Variants in SLC30A3 observed in about 807,000 individuals in gnomAD.
The protein encoded by SLC30A3 is probable proton-coupled zinc antiporter SLC30A3.
A neutral mutation model predicts 35.6 loss-of-function variants in SLC30A3; 20 were observed. The ratio of observed to expected loss-of-function variants is 0.56; its 90% confidence interval spans 0.39 to 0.82. SLC30A3 has a LOEUF of 0.82. Among genes scored for constraint, SLC30A3 ranks in the 40% least tolerant of loss-of-function variants. SLC30A3 has a pLI of 0.00. For missense variants in SLC30A3, 401 were observed against 530.6 expected (o/e 0.76, Z 2.40); for synonymous variants, 217 against 224.7 (o/e 0.97, Z 0.31).
chr2:27,257,754 G>T lies in SLC30A3; in HGVS notation c.578+151C>A. 1 of 788,970 alleles carries T rather than the reference G, an allele frequency of 1.3e-6. No individual in the cohort carries two copies. Among genetic ancestry groups the T allele is most frequent in the Non-Finnish European group, 2.0e-6 (1 of 495,906 alleles). The allele number at this position is 788,970 out of a possible 1,614,324, so 48.9% of individuals were successfully genotyped here. A position where few individuals can be genotyped will look rare whatever the true frequency, so the allele number is the denominator to read the frequency against. ...GACTGAATTTTAGGTCTCTATCCCA[G>T]ACCCTTCTCAGGCACACGCAGGGCA... On this transcript the variant is annotated intron_variant, in intron 4 of 7. Coordinates refer to ENST00000233535, the MANE Select transcript of SLC30A3 (RefSeq NM_003459.5). The surrounding 1 kb of genome is among the most constrained non-coding windows in gnomAD (Gnocchi z 4.7).
chr2:27,261,977 G>A (rs574755158), intron 1 of SLC30A3: 1 of 152,640 alleles, frequency 6.6e-6, no homozygotes, highest in South Asian at 2.1e-4. Flanking sequence ...GGTGGGGGAA[G>A]AGAAAAAGCC....
chr2:27,275,663 C>T (rs962665562), upstream of SLC30A3: 18 of 187,416 alleles, frequency 9.6e-5, no homozygotes, highest in East Asian at 5.7e-4. Flanking sequence ...GGGCCGCAGG[C>T]GTCTACCCTG....
At chr2:27,263,964 T>C, upstream of SLC30A3, 1 of 1,071,730 alleles carries the variant, frequency 9.3e-7, no homozygotes, top group African/African-American at 1.6e-5. Context: ...TACCGCATTC[T>C]GCCTCATTTG....
Position 27,257,105 on chromosome 2 carries a change from G to A in SLC30A3, c.777+49C>T, listed in dbSNP as rs747980856. ...TTGGGACCTGGGAAGGAGTGGGCTG[G>A]GATGTGGTTGTGGGGAGGAAGGCTG... On this transcript the variant is annotated intron_variant, in intron 5 of 7. Coordinates refer to ENST00000233535, the MANE Select transcript of SLC30A3 (RefSeq NM_003459.5). The surrounding 1 kb of genome is among the most constrained non-coding windows in gnomAD (Gnocchi z 4.7). The A allele has an allele frequency of 3.2e-6, 5 of 1,566,718 alleles. No individual in the cohort carries two copies. In the African/African-American group the frequency reaches 6.8e-5, roughly 21 times the overall value.
At chr2:27,275,147 C>A (rs767883675) in intron 1 of SLC30A3, 2 of 1,293,688 alleles carry the variant, frequency 1.5e-6, no homozygotes, top group African/African-American at 1.5e-5. Flanking sequence ...AGGTAACACA[C>A]CTCTTAAGAA....
intron 1 of SLC30A3, 107 bp from the exon 2 acceptor site, chr2:27,259,041 G>A: frequency 1.1e-6 from 1 of 890,508 alleles, no homozygotes; most frequent in Non-Finnish European, 1.7e-6. Flanking sequence ...TCCTTCCCCA[G>A]GCCTGGTCGT....
intron 1 of SLC30A3, among the ~76,000 whole-genome samples, chr2:27,274,330 A>G (rs1003684959): frequency 1.3e-5 from 2 of 152,206 alleles, no homozygotes; most frequent in African/African-American, 4.8e-5. Flanking sequence ...ACCTCAAAAC[A>G]CAACAAAACA....
At chr2:27,266,036 G>A (rs896849751), upstream of SLC30A3, among the ~76,000 whole-genome samples, 4 of 151,304 alleles carry the variant, frequency 2.6e-5, no homozygotes, top group Admixed American at 1.3e-4. Context: ...CACTCTCATC[G>A]CACAATACTT....
intron 1 of SLC30A3, 108 bp from the exon 2 acceptor site, chr2:27,259,042 G>GCCT: frequency 1.1e-6 from 1 of 881,490 alleles, no homozygotes. Flanking sequence ...CCTTCCCCAG[G>GCCT]CCTGGTCGTA....
intron 6 of SLC30A3, 74 bp from the exon 7 acceptor site, chr2:27,256,594 C>T (rs1676869594): frequency 6.3e-7 from 1 of 1,588,160 alleles, no homozygotes; most frequent in Non-Finnish European, 8.6e-7. Context: ...CCACTGGATT[C>T]CACCTCCCCT....
At position 27,262,662 on chromosome 2, in the gene SLC30A3, G is replaced by T; in HGVS notation, c.95+150C>A. On this transcript the variant is annotated intron_variant, in intron 1 of 7. Transcript: ENST00000233535. The surrounding 1 kb of genome is among the most constrained non-coding windows in gnomAD (Gnocchi z 7.5). Reference sequence around the variant, plus strand: ...TGTGTAGGGCTGGGCGCTCCGTGTGGCCAGAGGGGATGAAGCGGGGTGCAG... The same window carrying T: ...TGTGTAGGGCTGGGCGCTCCGTGTGTCCAGAGGGGATGAAGCGGGGTGCAG... 1 of 743,552 alleles carries T rather than the reference G, an allele frequency of 1.3e-6. No individual in the cohort carries two copies. The highest frequency in any genetic ancestry group is 2.0e-6 in the Non-Finnish European group (1 of 492,756). The allele number at this position is 743,552 out of a possible 1,614,324, so 46.1% of individuals were successfully genotyped here. A position where few individuals can be genotyped will look rare whatever the true frequency, so the allele number is the denominator to read the frequency against.
upstream of SLC30A3, among the ~76,000 whole-genome samples, chr2:27,267,009 G>A (rs1197332140): frequency 6.6e-6 from 1 of 152,094 alleles, no homozygotes; most frequent in Non-Finnish European, 1.5e-5. Context: ...TTATTGTCTG[G>A]TAGGCAGGCC....
intron 1 of SLC30A3, 89 bp from the exon 2 acceptor site, chr2:27,259,023 A>G: frequency 9.5e-7 from 1 of 1,054,538 alleles, no homozygotes; most frequent in Non-Finnish European, 1.4e-6. Flanking sequence ...TGGCCTCATC[A>G]GACCATCTCC....
chr2:27,256,926 CA>C (rs778305875), intron 5 of SLC30A3, 33 bp from the exon 6 acceptor site: 5 of 1,493,000 alleles, frequency 3.3e-6, no homozygotes, highest in Non-Finnish European at 4.6e-6. Flanking sequence ...GCCCAACAAC[CA>C]GGGACCTTTC....
At chr2:27,266,559 C>T (rs1376485715), upstream of SLC30A3, among the ~76,000 whole-genome samples, 3 of 151,974 alleles carry the variant, frequency 2.0e-5, no homozygotes, top group East Asian at 1.9e-4. Context: ...AGTCACTGTA[C>T]CATTCTCTCT....
chr2:27,257,323 G>T lies in SLC30A3; in HGVS notation c.608C>A (p.Pro203His), dbSNP rs555500903. 80 of 1,613,200 alleles carry T rather than the reference G, an allele frequency of 5.0e-5. No individual in the cohort carries two copies. Among genetic ancestry groups the T allele is most frequent in the Non-Finnish European group, 6.0e-5 (71 of 1,179,676 alleles). ...LMAFVLHQAGPPHSHGSRGAE... is the reference protein window; with the variant it reads ...LMAFVLHQAGHPHSHGSRGAE... ...TCCCCTAGACCCGTGGCTGTGGGGG[G>T]GCCCAGCCTGGTGCAGCACAAAGGC... Residue 203 changes from proline (P) to histidine (H), a missense_variant, in exon 5 of 8, where the codon CCC (proline) becomes CAC (histidine). By Grantham distance (77) the Pro-to-His change is moderately conservative. Coordinates refer to ENST00000233535, the MANE Select transcript of SLC30A3 (RefSeq NM_003459.5). This position sits in a 1 kb window ranked among gnomAD's most constrained non-coding sequence, Gnocchi z 4.7.
chr2:27,257,385 C>T lies in SLC30A3; in HGVS notation c.579-33G>A, dbSNP rs1296300480. On this transcript the variant is annotated intron_variant, in intron 4 of 7. Transcript: ENST00000233535. This position sits in a 1 kb window ranked among gnomAD's most constrained non-coding sequence, Gnocchi z 4.7. ...GTAAGCAGAGCACCTCAGCCTAGGG[C>T]CCTGCTCCTGGCCTCCTATACCCCC... 2 of 1,572,354 alleles carry T rather than the reference C, an allele frequency of 1.3e-6. No individual in the cohort carries two copies. The highest frequency in any genetic ancestry group is 1.7e-6 in the Non-Finnish European group (2 of 1,157,986).
chr2:27,264,655 C>A (rs1473211596), upstream of SLC30A3, among the ~76,000 whole-genome samples: 1 of 152,184 alleles, frequency 6.6e-6, no homozygotes, highest in African/African-American at 2.4e-5. This position sits in a 1 kb window ranked among gnomAD's most constrained non-coding sequence, Gnocchi z 6.1. Context: ...AGCCCCCAGC[C>A]TCCCCAGTCC....
intron 1 of SLC30A3, among the ~76,000 whole-genome samples, chr2:27,270,727 A>G (rs1677695751): frequency 6.6e-6 from 1 of 152,176 alleles, no homozygotes; most frequent in African/African-American, 2.4e-5. Context: ...TGCAGGTCAG[A>G]GAGGACAGGG....
Sources: gnomAD v4.1 joint callset for allele counts (sites outside exome capture counted in the v4.1 genomes callset) on GRCh38, gnomAD v4.1.1 for gene constraint, Gnocchi (gnomAD v3.1) non-coding constraint, MANE v1.5 for transcripts, NCBI Gene and HGNC (gene_info 2026-07-23, HGNC 2026-07-21) for gene names.